CPQ: variants seen among roughly 807,000 people sequenced by gnomAD.
CPQ encodes carboxypeptidase Q, also known as Ser-Met dipeptidase.
In CPQ, 37 loss-of-function variants were observed where a neutral mutation model predicts 45.7. The observed-to-expected ratio is 0.81, with a 90% CI of 0.62 to 1.07. The LOEUF (loss-of-function observed/expected upper bound fraction) is 1.07, where lower values mean the gene tolerates loss of function less well. Among genes scored for constraint, CPQ ranks in the 50% least tolerant of loss-of-function variants. The pLI is 0.00. For synonymous variants in CPQ, 186 were observed against 205.8 expected, an observed-to-expected ratio of 0.90 and a Z score of 0.82; for missense variants, 537 against 572.9, an observed-to-expected ratio of 0.94 and a Z score of 0.64.
intron 4 of CPQ, among the ~76,000 whole-genome samples, chr8:96,908,777 A>ACACACC (rs147900019): frequency 0.11 from 16,951 of 150,010 alleles, 1,010 homozygotes; most frequent in Middle Eastern, 0.18. Context: ...ACACACACAC[A>ACACACC]CCATATATTC....
At chr8:96,784,475 G>T (rs1312560862) in intron 1 of CPQ, among the ~76,000 whole-genome samples, 1 of 151,968 alleles carries the variant, frequency 6.6e-6, no homozygotes, top group Non-Finnish European at 1.5e-5. Context: ...GACAGGCAAA[G>T]AGGAGAGAAC....
intron 1 of CPQ, among the ~76,000 whole-genome samples, chr8:96,736,900 G>C (rs1441665098): frequency 6.6e-6 from 1 of 152,010 alleles, no homozygotes; most frequent in Non-Finnish European, 1.5e-5. Context: ...TTTCACCTAA[G>C]GAATTTAGTA....
At chr8:96,899,821 T>G (rs982906183) in intron 4 of CPQ, among the ~76,000 whole-genome samples, 2 of 152,170 alleles carry the variant, frequency 1.3e-5, no homozygotes, top group African/African-American at 4.8e-5. Context: ...CTGCAAATTA[T>G]TATTTAATTC....
chr8:96,860,587 G>A (rs936200389), intron 3 of CPQ, among the ~76,000 whole-genome samples: 3 of 152,134 alleles, frequency 2.0e-5, no homozygotes, highest in Non-Finnish European at 2.9e-5. Context: ...GCATTGAGCA[G>A]TGGGAAAGAT....
chr8:96,972,083 A>G (rs1813689107), intron 5 of CPQ, among the ~76,000 whole-genome samples: 1 of 152,134 alleles, frequency 6.6e-6, no homozygotes, highest in African/African-American at 2.4e-5. Flanking sequence ...TGCTTTCTCA[A>G]AGGAGAGGCT....
At chr8:97,115,750 G>A (rs762593744) in intron 7 of CPQ, among the ~76,000 whole-genome samples, 1 of 152,160 alleles carries the variant, frequency 6.6e-6, no homozygotes, top group Non-Finnish European at 1.5e-5. Context: ...TATGGCACAA[G>A]GTTACAAATT....
chr8:96,680,088 G>C (rs542733595), intron 1 of CPQ, among the ~76,000 whole-genome samples: 12 of 152,264 alleles, frequency 7.9e-5, no homozygotes, highest in East Asian at 5.8e-4. Flanking sequence ...TGCTTTTGCT[G>C]TATCGAATAG....
intron 5 of CPQ, among the ~76,000 whole-genome samples, chr8:97,000,727 T>C (rs991894628): frequency 6.6e-6 from 1 of 152,186 alleles, no homozygotes; most frequent in African/African-American, 2.4e-5. Flanking sequence ...TTTGGGCTCT[T>C]TTTTGGTTCC....
intron 1 of CPQ, among the ~76,000 whole-genome samples, chr8:96,717,024 A>ATATAT (rs1809683827): frequency 1.8e-5 from 1 of 56,560 alleles, no homozygotes; most frequent in Non-Finnish European, 3.0e-5. Flanking sequence ...CCATGATATA[A>ATATAT]ATATATATAT....
chr8:96,706,988 CTCTTT>C (rs1336753516), intron 1 of CPQ, among the ~76,000 whole-genome samples: 6 of 152,084 alleles, frequency 3.9e-5, no homozygotes, highest in African/African-American at 1.4e-4. Context: ...AGATTGACGT[CTCTTT>C]TCTTATGATA....
intron 4 of CPQ, among the ~76,000 whole-genome samples, chr8:96,945,317 A>G (rs1376001677): frequency 3.9e-5 from 6 of 152,156 alleles, no homozygotes; most frequent in Non-Finnish European, 7.4e-5. Flanking sequence ...TCTCATTTTG[A>G]ATTTCCATTG....
intron 5 of CPQ, among the ~76,000 whole-genome samples, chr8:96,987,302 A>T (rs1809003147): frequency 6.6e-6 from 1 of 152,192 alleles, no homozygotes; most frequent in Non-Finnish European, 1.5e-5. Context: ...AACTGACCAC[A>T]GTCAAGTACT....
chr8:96,716,914 C>T (rs558588348), intron 1 of CPQ, among the ~76,000 whole-genome samples: 1 of 150,938 alleles, frequency 6.6e-6, no homozygotes, highest in African/African-American at 2.4e-5. Flanking sequence ...GTCACACACA[C>T]ACACATACAC....
intron 5 of CPQ, among the ~76,000 whole-genome samples, chr8:96,980,475 A>G (rs1215188479): frequency 1.3e-5 from 2 of 152,168 alleles, no homozygotes; most frequent in Admixed American, 6.5e-5. Context: ...TCTTTTTACA[A>G]TGGGAACAAT....
intron 7 of CPQ, among the ~76,000 whole-genome samples, chr8:97,078,625 AC>A (rs1810890157): frequency 6.6e-6 from 1 of 152,166 alleles, no homozygotes; most frequent in African/African-American, 2.4e-5. Context: ...AACAGTATCA[AC>A]ACGATCACCA....
intron 3 of CPQ, among the ~76,000 whole-genome samples, chr8:96,847,836 C>CTT (rs76194040): frequency 3.5e-5 from 3 of 84,514 alleles, no homozygotes; most frequent in Non-Finnish European, 5.2e-5. Context: ...ATTTGTTTTC[C>CTT]TTTTTTTTTT....
intron 7 of CPQ, among the ~76,000 whole-genome samples, chr8:97,068,426 G>A (rs1208945584): frequency 6.6e-6 from 1 of 152,094 alleles, no homozygotes; most frequent in African/African-American, 2.4e-5. Context: ...GAAGTCAGGG[G>A]TTCGAGACCA....
intron 7 of CPQ, chr8:97,092,722 C>T (rs898678521): frequency 6.6e-6 from 1 of 152,016 alleles, no homozygotes; most frequent in Admixed American, 6.6e-5. Context: ...AAAAATCCTA[C>T]AAGAAAACCT....
intron 1 of CPQ, among the ~76,000 whole-genome samples, chr8:96,768,714 G>A (rs996093568): frequency 6.6e-6 from 1 of 152,142 alleles, no homozygotes; most frequent in Non-Finnish European, 1.5e-5. Flanking sequence ...AGCAAATTTT[G>A]CAGTAAGTGA....
Sources: gnomAD v4.1 joint callset for allele counts (sites outside exome capture counted in the v4.1 genomes callset) on GRCh38, gnomAD v4.1.1 for gene constraint, MANE v1.5 for transcripts, NCBI Gene and HGNC (gene_info 2026-07-23, HGNC 2026-07-21) for gene names.